TNIK: variants seen among roughly 807,000 people sequenced by gnomAD.
TNIK encodes the protein TRAF2 and NCK interacting kinase.
TNIK carries 49 observed loss-of-function variants against 191.3 expected under a neutral mutation model. That is an observed-to-expected ratio of 0.26 (90% confidence interval 0.20 to 0.32). TNIK has a LOEUF of 0.32. Among genes scored for constraint, TNIK ranks in the 10% least tolerant of loss-of-function variants. TNIK has a pLI of 1.00. For synonymous variants in TNIK, 594 were observed against 600.9 expected (o/e 0.99, Z 0.17); for missense variants, 1,155 against 1,702.3 (o/e 0.68, Z 5.66).
chr3:171,339,765 C>T (rs760119282), intron 2 of TNIK, among the ~76,000 whole-genome samples: 1 of 152,180 alleles, frequency 6.6e-6, no homozygotes, highest in Non-Finnish European at 1.5e-5. Context: ...TACCAGAATC[C>T]GGTCTGTTGC....
At chr3:171,427,533 A>T (rs1314349801) in intron 1 of TNIK, among the ~76,000 whole-genome samples, 1 of 152,184 alleles carries the variant, frequency 6.6e-6, no homozygotes, top group Admixed American at 6.5e-5. Context: ...CAGTTATAAG[A>T]TTTAAATACA....
intron 1 of TNIK, among the ~76,000 whole-genome samples, chr3:171,384,915 C>G (rs1295615082): frequency 6.6e-6 from 1 of 152,154 alleles, no homozygotes; most frequent in Non-Finnish European, 1.5e-5. Flanking sequence ...ATAAAGGCAG[C>G]CTGCTTGCCT....
chr3:171,453,464 T>C lies in TNIK; in HGVS notation c.57+6543A>G, dbSNP rs73879573. Among the ~76,000 whole-genome samples, 699 of 151,856 alleles carry C rather than the reference T, an allele frequency of 4.6e-3. 3 individuals carry two copies. Among genetic ancestry groups the C allele is most frequent in the African/African-American group, 0.015 (636 of 41,420 alleles). On this transcript the variant is annotated intron_variant, in intron 1 of 32. Transcript: ENST00000436636. ...GGAATGAAATTGTTCCCTGCCGCAA[T>C]GGGGGAGTGGTCGTCAAAACTGCAG...
chr3:171,094,348 G>A (rs1439856664), intron 22 of TNIK, among the ~76,000 whole-genome samples: 1 of 152,108 alleles, frequency 6.6e-6, no homozygotes, highest in East Asian at 1.9e-4. Flanking sequence ...ATGTTAGCCA[G>A]GATGGTCTCG....
Position 171,110,789 on chromosome 3 carries a change from T to C in TNIK, c.2209A>G (p.Ser737Gly), listed in dbSNP as rs1171389106. 5 of 1,604,420 alleles carry C rather than the reference T, an allele frequency of 3.1e-6. No individual in the cohort carries two copies. The highest frequency in any genetic ancestry group is 3.4e-6 in the Non-Finnish European group (4 of 1,175,868). ...CCTCCTTGGGAGCTGGGCTGGGAGC[T>C]AGGGGTGCTGGAGCTGGAGGAACTG... The part of the protein sequence containing the change: ...SGSSSSSSTP[S>G]SQPSSQGGSQ... Residue 737 changes from serine to glycine, a missense_variant, in exon 19 of 33, where the codon AGC becomes GGC. By Grantham distance (56) the Ser-to-Gly change is moderately conservative. Coordinates refer to ENST00000436636, the MANE Select transcript of TNIK (RefSeq NM_015028.4).
At chr3:171,369,456 C>T (rs1577664873) in intron 2 of TNIK, among the ~76,000 whole-genome samples, 164 bp downstream of exon 2, 1 of 152,266 alleles carries the variant, frequency 6.6e-6, no homozygotes, top group East Asian at 1.9e-4. Context: ...GTTTAAGCAA[C>T]ATAACCACAG....
At chr3:171,443,511 A>T (rs1727096051) in intron 1 of TNIK, among the ~76,000 whole-genome samples, 3 of 152,156 alleles carry the variant, frequency 2.0e-5, no homozygotes, top group Admixed American at 2.0e-4. Flanking sequence ...TCATTGTCCC[A>T]TCTAGAGCAG....
At position 171,093,932 on chromosome 3, in the gene TNIK, A is replaced by G. The variant is rs1722386803; in HGVS notation, c.2628T>C (p.Asn876=). Reference sequence around the variant, plus strand: ...GCCCATGCGTCCCCACCATTCCCACATTGTACTGCTCGTTGCTGCCTGGAG... The same window carrying G: ...GCCCATGCGTCCCCACCATTCCCACGTTGTACTGCTCGTTGCTGCCTGGAG... ...TGAPGSNEQY[N]VGMVGTHGLE... The change falls in exon 23 of 33, where the codon AAT becomes AAC. Residue 876 remains asparagine, a synonymous_variant. Transcript: ENST00000436636. 1.9e-6 allele frequency: 3 copies of G among 1,613,786 alleles called. No homozygotes were observed. The highest frequency in any genetic ancestry group is 2.5e-6 in the Non-Finnish European group (3 of 1,179,798).
At chr3:171,171,094 T>C (rs978827726) in intron 9 of TNIK, among the ~76,000 whole-genome samples, 1 of 152,116 alleles carries the variant, frequency 6.6e-6, no homozygotes, top group Non-Finnish European at 1.5e-5. Flanking sequence ...TAAGTAAACA[T>C]AGAGTTCTTT....
chr3:171,437,469 C>T (rs1015796832), intron 1 of TNIK, among the ~76,000 whole-genome samples: 1 of 152,202 alleles, frequency 6.6e-6, no homozygotes, highest in Non-Finnish European at 1.5e-5. Flanking sequence ...CAAATGCAAG[C>T]ATAGGCAGGG....
At chr3:171,355,417 G>A (rs536323892) in intron 2 of TNIK, among the ~76,000 whole-genome samples, 4 of 150,978 alleles carry the variant, frequency 2.6e-5, no homozygotes, top group African/African-American at 9.6e-5. Flanking sequence ...AGAACAAAAT[G>A]TACTAAACAT....
chr3:171,082,603 T>G (rs1720837674), intron 26 of TNIK: 4 of 597,416 alleles, frequency 6.7e-6, no homozygotes, highest in Non-Finnish European at 5.4e-6. Context: ...TTTTATAAAG[T>G]TAGCAGCATT....
In TNIK at chr3:171,101,579, G is replaced by T; in HGVS notation, c.2461C>A (p.Arg821Ser). 1 of 1,613,076 alleles carries T rather than the reference G, an allele frequency of 6.2e-7. No individual in the cohort carries two copies. Among genetic ancestry groups the T allele is most frequent in the Admixed American group, 1.7e-5 (1 of 59,906 alleles). The change falls in exon 22 of 33, where the codon CGC becomes AGC. Residue 821 changes from arginine (R) to serine (S), a missense_variant. This residue lies in a region of TNIK where 735 missense variants were observed against 848.0 expected (regional missense o/e 0.87). Transcript: ENST00000436636. The stretch of plus-strand genomic sequence containing the variant: ...TAATCAGTCACCTTCTTCATTGGGC[G>T]GTTTGTTTCTTCAATCCGGAGTTCT... ...LRELRIEETN[R>S]PMKKVTDYSS...
intron 11 of TNIK, among the ~76,000 whole-genome samples, chr3:171,158,939 T>C (rs1438243419): frequency 6.6e-6 from 1 of 152,026 alleles, no homozygotes; most frequent in Non-Finnish European, 1.5e-5. Context: ...CACCCTATTT[T>C]TGAGCAACTG....
At chr3:171,118,318 G>A (rs566581377) in intron 18 of TNIK, among the ~76,000 whole-genome samples, 22 of 152,342 alleles carry the variant, frequency 1.4e-4, no homozygotes, top group Non-Finnish European at 2.6e-4. Flanking sequence ...AGCATTTCAT[G>A]CTCATGGATA....
intron 2 of TNIK, among the ~76,000 whole-genome samples, chr3:171,289,572 C>G (rs961991592): frequency 3.3e-5 from 5 of 152,118 alleles, no homozygotes; most frequent in African/African-American, 1.2e-4. Context: ...ATGTCTTAAA[C>G]CACTAAATTT....
chr3:171,446,070 A>G (rs1727452802), intron 1 of TNIK, among the ~76,000 whole-genome samples: 1 of 152,206 alleles, frequency 6.6e-6, no homozygotes, highest in South Asian at 2.1e-4. Flanking sequence ...AAATGCACAA[A>G]AACAGTCCAA....
chr3:171,326,024 A>G (rs1011211233), intron 2 of TNIK, among the ~76,000 whole-genome samples: 6 of 152,176 alleles, frequency 3.9e-5, no homozygotes, highest in African/African-American at 1.2e-4. Flanking sequence ...CGTGGGTTCA[A>G]ATTTGTTTAG....
rs367546470 is a variant in TNIK at position 171,369,728 on chromosome 3, C to T, written c.58-43G>A. 9.8e-5 allele frequency: 144 copies of T among 1,471,270 alleles called. No homozygotes were observed. The East Asian group carries it at 2.8e-3, about 28-fold the overall frequency. The allele number at this position is 1,471,270 out of a possible 1,614,324, so 91.1% of individuals were successfully genotyped here. ...AACAATAAAAATTCAAAACAATATT[C>T]CAGGCATTGCCTTAATCAAAAGCAA... is the stretch of plus-strand genomic sequence containing the variant. On this transcript the variant is annotated intron_variant, in intron 1 of 32. Transcript: ENST00000436636.
Sources: gnomAD v4.1 joint callset for allele counts (sites outside exome capture counted in the v4.1 genomes callset) on GRCh38, gnomAD v4.1.1 for gene constraint, gnomAD v4.1.1 regional missense constraint, MANE v1.5 for transcripts, NCBI Gene and HGNC (gene_info 2026-07-23, HGNC 2026-07-21) for gene names.